The following EXOC2 variants were observed in gnomAD, a reference collection of about 807,000 sequenced individuals.
EXOC2 encodes SEC5-like 1.
A neutral mutation model predicts 131.8 loss-of-function variants in EXOC2; 70 were observed. The observed-to-expected ratio is 0.53, with a 90% CI of 0.44 to 0.65. The LOEUF is 0.65. Among genes scored for constraint, EXOC2 ranks in the 30% least tolerant of loss-of-function variants. The pLI, the probability that EXOC2 is intolerant of heterozygous loss-of-function variation, is 0.00. For missense variants in EXOC2, 923 were observed against 1,108.6 expected (o/e 0.83, Z 2.38); for synonymous variants, 411 against 398.4 (o/e 1.03, Z -0.38).
chr6:639,906 G>C (rs1409172197), intron 1 of EXOC2, among the ~76,000 whole-genome samples: 1 of 152,210 alleles, frequency 6.6e-6, no homozygotes, highest in Non-Finnish European at 1.5e-5. Context: ...GTGAGGTCCA[G>C]ATGCTTACAG....
In EXOC2 at chr6:576,636, A is replaced by G. The variant is rs1758592210; in HGVS notation, c.1318+121T>C. On this transcript the variant is annotated intron_variant, in intron 12 of 27. Coordinates refer to ENST00000230449, the MANE Select transcript of EXOC2 (RefSeq NM_018303.6). ...GTTACTGTAACAAGCAAAAGCGATG[A>G]TGGCTGATAATACTTAGCACCAGTA... The G allele has an allele frequency of 3.6e-6, 4 of 1,121,048 alleles. No individual in the cohort carries two copies. The Admixed American group carries it at 1.1e-4, about 32-fold the overall frequency. 69.4% of individuals were successfully genotyped at this position (1,121,048 alleles called of 1,614,324 possible).
At chr6:494,441 GTTTTT>G (rs11334291) in intron 25 of EXOC2, among the ~76,000 whole-genome samples, 1 of 147,144 alleles carries the variant, frequency 6.8e-6, no homozygotes, top group Non-Finnish European at 1.5e-5. Context: ...ATTTGCACCC[GTTTTT>G]TTTTTTTTAT....
At chr6:674,712 A>ATGTTTGTT (rs556375852) in intron 1 of EXOC2, among the ~76,000 whole-genome samples, 2 of 148,570 alleles carry the variant, frequency 1.3e-5, no homozygotes, top group African/African-American at 2.5e-5. Flanking sequence ...TGTATTAACC[A>ATGTTTGTT]TGTTTGTTTG....
At chr6:527,833 T>C (rs1420707594) in intron 23 of EXOC2, among the ~76,000 whole-genome samples, 8 of 152,166 alleles carry the variant, frequency 5.3e-5, no homozygotes, top group Non-Finnish European at 1.0e-4. Context: ...CTTTAAATAA[T>C]ATACATTAAT....
intron 6 of EXOC2, among the ~76,000 whole-genome samples, 159 bp from the exon 7 acceptor site, chr6:610,337 A>AC (rs1296970325): frequency 6.6e-6 from 1 of 152,240 alleles, no homozygotes; most frequent in Non-Finnish European, 1.5e-5. Flanking sequence ...CCCAGCAGAC[A>AC]CCAGTCTAAG....
intron 4 of EXOC2, among the ~76,000 whole-genome samples, chr6:619,760 A>C (rs1172634838): frequency 6.6e-6 from 1 of 152,210 alleles, no homozygotes; most frequent in Non-Finnish European, 1.5e-5. Flanking sequence ...TTTTATATAG[A>C]AAAGATAGGA....
intron 7 of EXOC2, among the ~76,000 whole-genome samples, chr6:599,663 A>G (rs1760019540): frequency 6.6e-6 from 1 of 152,220 alleles, no homozygotes; most frequent in Non-Finnish European, 1.5e-5. Flanking sequence ...AAAACAAGGA[A>G]ATCATTTTCA....
intron 11 of EXOC2, among the ~76,000 whole-genome samples, chr6:589,648 G>C (rs376149026): frequency 1.3e-5 from 2 of 152,314 alleles, no homozygotes; most frequent in East Asian, 1.9e-4. Context: ...AGGCCAGCTC[G>C]CACTGCACTT....
intron 6 of EXOC2, 116 bp from the exon 7 acceptor site, chr6:610,294 A>G: frequency 1.1e-6 from 1 of 882,818 alleles, no homozygotes; most frequent in Non-Finnish European, 1.8e-6. Context: ...CACTGCTGAA[A>G]AGCAGCAAAA....
At chr6:583,316 A>G (rs1204142572) in intron 11 of EXOC2, among the ~76,000 whole-genome samples, 1 of 152,184 alleles carries the variant, frequency 6.6e-6, no homozygotes, top group South Asian at 2.1e-4. Context: ...ACATGAAATG[A>G]CTTCCGGCTG....
At chr6:647,611 C>T (rs146495845) in intron 1 of EXOC2, among the ~76,000 whole-genome samples, 7 of 118,596 alleles carry the variant, frequency 5.9e-5, no homozygotes, top group East Asian at 4.8e-4. Context: ...TGAATGTGAC[C>T]GCTCACATTC....
intron 11 of EXOC2, among the ~76,000 whole-genome samples, chr6:589,919 A>C (rs1759440126): frequency 6.6e-6 from 1 of 152,210 alleles, no homozygotes; most frequent in Non-Finnish European, 1.5e-5. Context: ...ATCCTGGCTA[A>C]CACCGTGATG....
At chr6:513,903 C>A (rs973601422) in intron 23 of EXOC2, among the ~76,000 whole-genome samples, 1 of 152,232 alleles carries the variant, frequency 6.6e-6, no homozygotes, top group Non-Finnish European at 1.5e-5. Flanking sequence ...TTGCTCCACA[C>A]ACTTAAAAAT....
At chr6:644,228 A>G (rs901687966) in intron 1 of EXOC2, among the ~76,000 whole-genome samples, 3 of 152,166 alleles carry the variant, frequency 2.0e-5, no homozygotes, top group African/African-American at 7.2e-5. Context: ...TACCATATTA[A>G]AAGTAAAGGA....
At chr6:673,650 A>C (rs1419843397) in intron 1 of EXOC2, among the ~76,000 whole-genome samples, 1 of 152,212 alleles carries the variant, frequency 6.6e-6, no homozygotes, top group African/African-American at 2.4e-5. Flanking sequence ...GGTTCTGCCT[A>C]GAGGAAACCT....
intron 6 of EXOC2, among the ~76,000 whole-genome samples, chr6:615,923 C>T (rs1422416126): frequency 2.0e-5 from 3 of 152,142 alleles, no homozygotes; most frequent in Non-Finnish European, 4.4e-5. Context: ...TGATATTAAA[C>T]AATTATTGCC....
chr6:683,907 G>A (rs1317276513), intron 1 of EXOC2, among the ~76,000 whole-genome samples: 2 of 152,242 alleles, frequency 1.3e-5, no homozygotes, highest in African/African-American at 4.8e-5. Flanking sequence ...TGTCAGGAAA[G>A]GACAGCCCAG....
chr6:636,021 C>T (rs1407810316), intron 2 of EXOC2, among the ~76,000 whole-genome samples: 4 of 152,262 alleles, frequency 2.6e-5, no homozygotes, highest in Non-Finnish European at 4.4e-5. Context: ...CAAGATCACG[C>T]CACTGCACTC....
chr6:591,934 G>A (rs749778017), intron 11 of EXOC2, among the ~76,000 whole-genome samples: 15 of 152,038 alleles, frequency 9.9e-5, no homozygotes, highest in Non-Finnish European at 1.5e-4. Context: ...GTTCTAATAC[G>A]GAGGCTTCTC....
Sources: allele counts gnomAD v4.1 joint callset (sites outside exome capture counted in the v4.1 genomes callset), GRCh38; gene constraint gnomAD v4.1.1; transcripts MANE v1.5; gene names NCBI Gene and HGNC (gene_info 2026-07-23, HGNC 2026-07-21).